Variants in PDK1 observed in about 807,000 individuals in gnomAD.
PDK1 encodes pyruvate dehydrogenase kinase 1.
PDK1 carries 39 observed loss-of-function variants against 54.2 expected under a neutral mutation model. That is an observed-to-expected ratio of 0.72 (90% CI 0.56 to 0.94). The LOEUF (loss-of-function observed/expected upper bound fraction) is 0.94, where lower values mean the gene tolerates loss of function less well. PDK1 is among the 40% of genes least tolerant of loss of function. The pLI, the probability that PDK1 is intolerant of heterozygous loss-of-function variation, is 0.00. For missense variants in PDK1, 552 were observed against 566.0 expected (o/e 0.98, Z 0.25); for synonymous variants, 221 against 207.1 (o/e 1.07, Z -0.58).
chr2:172,670,931 G>C, the PDK1 span, among the ~76,000 whole-genome samples: 1 of 152,086 alleles, frequency 6.6e-6, no homozygotes. Flanking sequence ...TTTGTTAATA[G>C]TTATACTTCT....
the PDK1 span, among the ~76,000 whole-genome samples, chr2:172,721,471 G>A: frequency 6.6e-6 from 1 of 152,120 alleles, no homozygotes; most frequent in Non-Finnish European, 1.5e-5. Flanking sequence ...CCAGGTAGCT[G>A]GGATTACAGG....
rs930252482 is a variant in PDK1 at position 172,605,295 on chromosome 2, C to T, written c.*9326C>T. On this transcript the variant is annotated 3_prime_UTR_variant, in exon 11 of 11. Coordinates refer to ENST00000282077, the MANE Select transcript of PDK1 (RefSeq NM_002610.5). ...GAGGCCTCTGGGTGGGACACATAGG[C>T]GTTCAAGAGCCTCTGAGCTTAAAGA... 3 of 151,232 alleles carry T rather than the reference C, an allele frequency of 2.0e-5. No individual in the cohort carries two copies. Among genetic ancestry groups the T allele is most frequent in the African/African-American group, 4.9e-5 (2 of 41,018 alleles). The allele number at this position is 151,232 out of a possible 1,614,324, so 9.4% of individuals were successfully genotyped here.
the PDK1 span, among the ~76,000 whole-genome samples, chr2:172,660,850 G>T: frequency 6.6e-6 from 1 of 152,008 alleles, no homozygotes; most frequent in African/African-American, 2.4e-5. Flanking sequence ...TCTCTGCCCT[G>T]TTGCTCTAAA....
chr2:172,575,837 T>G (rs1269533928), intron 8 of PDK1, among the ~76,000 whole-genome samples: 1 of 152,092 alleles, frequency 6.6e-6, no homozygotes, highest in Non-Finnish European at 1.5e-5. Flanking sequence ...TAATAATAAT[T>G]AAATAAATAA....
the PDK1 span, among the ~76,000 whole-genome samples, chr2:172,687,944 C>T: frequency 6.6e-6 from 1 of 152,206 alleles, no homozygotes; most frequent in African/African-American, 2.4e-5. Flanking sequence ...TTACCAAGTC[C>T]CCCTGCACAG....
intron 2 of PDK1, 26 bp downstream of exon 2, chr2:172,558,875 A>G: frequency 6.3e-7 from 1 of 1,599,640 alleles, no homozygotes; most frequent in Non-Finnish European, 8.5e-7. Context: ...TGTGTTTGCA[A>G]TTTGATGGAG....
the PDK1 span, among the ~76,000 whole-genome samples, chr2:172,640,105 T>C: frequency 6.6e-6 from 1 of 152,216 alleles, no homozygotes; most frequent in African/African-American, 2.4e-5. Context: ...CGAAGAAATA[T>C]TCCAAATGGA....
intron 10 of PDK1, among the ~76,000 whole-genome samples, chr2:172,593,994 T>C (rs1447245200): frequency 6.6e-6 from 1 of 151,982 alleles, no homozygotes; most frequent in African/African-American, 2.4e-5. Flanking sequence ...TTTTTAACCA[T>C]GTCAATTGCG....
At chr2:172,586,174 A>AG in intron 8 of PDK1, 104 bp from the exon 9 acceptor site, 1 of 603,144 alleles carries the variant, frequency 1.7e-6, no homozygotes, top group Admixed American at 2.9e-5. Flanking sequence ...AAAAAAAAAA[A>AG]AGCGCTCTCC....
chr2:172,682,640 G>A, the PDK1 span, among the ~76,000 whole-genome samples: 5 of 152,322 alleles, frequency 3.3e-5, no homozygotes, highest in East Asian at 9.7e-4. Flanking sequence ...GTGGAGAGCT[G>A]CTTTGCAGAC....
intron 9 of PDK1, among the ~76,000 whole-genome samples, chr2:172,588,598 A>G (rs114752760): frequency 8.2e-4 from 125 of 152,354 alleles, no homozygotes; most frequent in African/African-American, 2.9e-3. Flanking sequence ...ATACATCTAC[A>G]TGCCCTTAAC....
the PDK1 span, among the ~76,000 whole-genome samples, chr2:172,617,373 C>T: frequency 2.0e-5 from 3 of 151,494 alleles, no homozygotes; most frequent in African/African-American, 7.3e-5. Context: ...AAAAATATTC[C>T]CCTCTAGTCT....
chr2:172,600,525 C>T lies in PDK1; in HGVS notation c.*4556C>T, dbSNP rs1558964130. The T allele has an allele frequency of 6.6e-6, 1 of 152,102 alleles. No homozygotes were observed. The highest frequency in any genetic ancestry group is 2.1e-4 in the South Asian group (1 of 4,828). The allele number at this position is 152,102 out of a possible 1,614,324, so 9.4% of individuals were successfully genotyped here. On this transcript the variant is annotated 3_prime_UTR_variant, in exon 11 of 11. Coordinates refer to ENST00000282077, the MANE Select transcript of PDK1 (RefSeq NM_002610.5). ...GCAGCCTCATTGTCTGGGGTAAATACCAAGGTTCTTGGTCTCATGGCCAAG... is the reference window on the plus strand; with the variant it reads ...GCAGCCTCATTGTCTGGGGTAAATATCAAGGTTCTTGGTCTCATGGCCAAG...
intron 3 of PDK1, among the ~76,000 whole-genome samples, chr2:172,563,042 T>C (rs1368279125): frequency 6.6e-6 from 1 of 152,254 alleles, no homozygotes; most frequent in Non-Finnish European, 1.5e-5. Flanking sequence ...TGCTTAGGTA[T>C]TGAGCAGACT....
downstream of PDK1, among the ~76,000 whole-genome samples, chr2:172,613,257 T>C (rs1574563114): frequency 6.6e-6 from 1 of 152,128 alleles, no homozygotes; most frequent in Non-Finnish European, 1.5e-5. Context: ...TCCCTAGGGG[T>C]GTGGCCTTGC....
At chr2:172,621,020 C>T in the PDK1 span, among the ~76,000 whole-genome samples, 1 of 152,210 alleles carries the variant, frequency 6.6e-6, no homozygotes, top group Non-Finnish European at 1.5e-5. Context: ...TGGCTCACTC[C>T]TGTTATCCCA....
intron 8 of PDK1, among the ~76,000 whole-genome samples, chr2:172,583,290 T>G (rs528948234): frequency 0.015 from 1,955 of 128,940 alleles, 62 homozygotes; most frequent in African/African-American, 0.058. Flanking sequence ...GGTTTTTTTT[T>G]TTTTTTTTTT....
the PDK1 span, among the ~76,000 whole-genome samples, chr2:172,658,428 C>G: frequency 2.3e-4 from 35 of 152,124 alleles, no homozygotes; most frequent in Non-Finnish European, 3.8e-4. Flanking sequence ...ATTGTGTTAA[C>G]TGTACAAATT....
chr2:172,598,835 G>A lies in PDK1; in HGVS notation c.*2866G>A, dbSNP rs143996085. The A allele has an allele frequency of 2.8e-4, 42 of 152,204 alleles. 1 individual carries two copies. Among genetic ancestry groups the A allele is most frequent in the African/African-American group, 8.9e-4 (37 of 41,538 alleles). 9.4% of individuals were successfully genotyped at this position (152,204 alleles called of 1,614,324 possible). On this transcript the variant is annotated 3_prime_UTR_variant, in exon 11 of 11. Coordinates refer to ENST00000282077, the MANE Select transcript of PDK1 (RefSeq NM_002610.5). ...GTCAATTTAGCCTTTTAAAAATATA[G>A]TCATCTCTTTTAAATAGAATCCTCT...
Sources: gnomAD v4.1 joint callset for allele counts (sites outside exome capture counted in the v4.1 genomes callset) on GRCh38, gnomAD v4.1.1 for gene constraint, MANE v1.5 for transcripts, NCBI Gene and HGNC (gene_info 2026-07-23, HGNC 2026-07-21) for gene names.